Variants in CARD8 observed in about 807,000 individuals in gnomAD.
CARD8 encodes caspase recruitment domain-containing protein 8.
A neutral mutation model predicts 53.2 loss-of-function variants in CARD8; 38 were observed. That is an observed-to-expected ratio of 0.71 (90% CI 0.55 to 0.94). The LOEUF (loss-of-function observed/expected upper bound fraction) is 0.94, where lower values mean the gene tolerates loss of function less well. Ranked by LOEUF, CARD8 falls within the 40% of genes least tolerant of loss-of-function variation. CARD8 has a pLI of 0.00. For synonymous variants in CARD8, 245 were observed against 244.9 expected (o/e 1.00, Z 0.00); for missense variants, 561 against 655.5 (o/e 0.86, Z 1.57).
chr19:48,245,469 T>C (rs2045954270), intron 3 of CARD8, among the ~76,000 whole-genome samples: 1 of 152,084 alleles, frequency 6.6e-6, no homozygotes, highest in South Asian at 2.1e-4. Context: ...CACCTCAGCC[T>C]CCCAAAGTGC....
downstream of CARD8, among the ~76,000 whole-genome samples, chr19:48,207,828 C>A (rs559567428): frequency 6.7e-6 from 1 of 149,412 alleles, no homozygotes; most frequent in Non-Finnish European, 1.5e-5. Flanking sequence ...CCCTGCCTCC[C>A]AGGCTCAAGT....
intron 13 of CARD8, among the ~76,000 whole-genome samples, chr19:48,212,539 A>G (rs1340730170): frequency 1.3e-5 from 2 of 152,216 alleles, no homozygotes; most frequent in East Asian, 1.9e-4. Flanking sequence ...GTCTGTATAA[A>G]CTTGGCCAAA....
rs2037998089 is a variant in CARD8 at position 48,211,711 on chromosome 19, T to C, written c.1613A>G (p.Ter538=). ...LVSYLRQQNL[*] is the part of the protein sequence containing the mutation. ...TCCAGACTACCTAACTGACTCATTT[T>C]ACAAATTCTGCTGTCTAAGATAGGA... is the stretch of plus-strand genomic sequence containing the variant. Residue 538 remains the stop codon, a stop_retained_variant, in exon 14 of 14, where the codon TAA becomes TGA. Coordinates refer to ENST00000651546, the MANE Select transcript of CARD8 (RefSeq NM_001184900.3). 1.9e-6 allele frequency: 3 copies of C among 1,613,052 alleles called. No individual in the cohort carries two copies. In the African/African-American group the frequency reaches 4.0e-5, roughly 22 times the overall value.
At chr19:48,228,855 G>A (rs1012664436) in intron 10 of CARD8, among the ~76,000 whole-genome samples, 2 of 152,090 alleles carry the variant, frequency 1.3e-5, no homozygotes, top group African/African-American at 4.8e-5. Context: ...GAAGAGGGAG[G>A]CGGCCGGGCG....
At chr19:48,219,483 G>A (rs2040050297) in intron 11 of CARD8, among the ~76,000 whole-genome samples, 1 of 152,112 alleles carries the variant, frequency 6.6e-6, no homozygotes, top group Non-Finnish European at 1.5e-5. Flanking sequence ...CTGCCCTGGG[G>A]AGCAAGAAAG....
chr19:48,213,437 C>T lies in CARD8; in HGVS notation c.1349-1462G>A, dbSNP rs545623927. Among the ~76,000 whole-genome samples the T allele has an allele frequency of 3.9e-5, 6 of 152,240 alleles. No homozygotes were observed. In the South Asian group the frequency reaches 6.2e-4, roughly 16 times the overall value. On this transcript the variant is annotated intron_variant, in intron 13 of 13. Coordinates refer to ENST00000651546, the MANE Select transcript of CARD8 (RefSeq NM_001184900.3). ...GTCCCCAGGCTGGAGTGCGATGGCA[C>T]GATCTCGGCTTACTGCAATCTCCGC...
intron 10 of CARD8, among the ~76,000 whole-genome samples, chr19:48,225,984 C>A (rs1425480235): frequency 1.4e-5 from 2 of 140,080 alleles, no homozygotes; most frequent in African/African-American, 5.5e-5. Context: ...ACCTGGGAGA[C>A]GGAGGTTGCA....
chr19:48,232,326 G>A (rs2043059509), intron 7 of CARD8, 127 bp downstream of exon 7: 1 of 851,858 alleles, frequency 1.2e-6, no homozygotes, highest in African/African-American at 1.7e-5. Flanking sequence ...ACAGTGCACT[G>A]TGGCAAAGGT....
In CARD8 at chr19:48,215,341, T is replaced by C. The variant is rs1242687597; in HGVS notation, c.1347A>G (p.Ser449=). The part of the protein sequence containing the change: ...LVAASAPPPF[S]GAAFVKENHR... The stretch of plus-strand genomic sequence containing the variant: ...CTTTAATGTAAACATTTCACTTACC[T>C]GAGAAAGGAGGAGGGGCTGATGCAG... The change falls in exon 13 of 14, where the codon TCA becomes TCG. Residue 449 remains serine, a splice_region_variant and synonymous_variant. Coordinates refer to ENST00000651546, the MANE Select transcript of CARD8 (RefSeq NM_001184900.3). The C allele has an allele frequency of 1.9e-6, 3 of 1,607,972 alleles. No homozygotes were observed. The highest frequency in any genetic ancestry group is 2.6e-6 in the Non-Finnish European group (3 of 1,174,712).
chr19:48,230,976 C>T lies in CARD8; in HGVS notation c.573G>A (p.Leu191=). The T allele has an allele frequency of 1.2e-6, 2 of 1,614,168 alleles. No individual in the cohort carries two copies. Among genetic ancestry groups the T allele is most frequent in the Non-Finnish European group, 1.7e-6 (2 of 1,180,030 alleles). ...SVWFPTAGWY[L]WSATGLGFLV... is the part of the protein sequence containing the mutation. ...GGAAGCCGAGGCCTGTGGCTGACCA[C>T]AGATACCAGCCAGCAGTGGGGAACC... Residue 191 remains leucine, a synonymous_variant, in exon 9 of 14, where the codon CTG becomes CTA. Coordinates refer to ENST00000651546, the MANE Select transcript of CARD8 (RefSeq NM_001184900.3).
intron 8 of CARD8, among the ~76,000 whole-genome samples, 185 bp from the exon 9 acceptor site, chr19:48,231,191 A>G (rs769499789): frequency 6.6e-6 from 1 of 152,234 alleles, no homozygotes; most frequent in Non-Finnish European, 1.5e-5. Flanking sequence ...TGCATTCTAT[A>G]TATGTTGAAA....
downstream of CARD8, chr19:48,206,322 A>AT (rs1488474118): frequency 2.5e-5 from 10 of 398,724 alleles, no homozygotes; most frequent in Non-Finnish European, 4.6e-5. Flanking sequence ...AGCTAGCCAC[A>AT]TGTGGGTGCA....
chr19:48,218,455 G>T (rs2039812094), intron 12 of CARD8, among the ~76,000 whole-genome samples: 1 of 150,644 alleles, frequency 6.6e-6, no homozygotes, highest in African/African-American at 2.5e-5. Flanking sequence ...CCTGGGTTCA[G>T]GTGATTCTCC....
At chr19:48,216,138 CA>C (rs60958180) in intron 12 of CARD8, among the ~76,000 whole-genome samples, 61 of 146,888 alleles carry the variant, frequency 4.2e-4, no homozygotes, top group African/African-American at 1.3e-3. Context: ...AATTTGCTAT[CA>C]AAAAAAAAAA....
At chr19:48,204,166 A>C (rs1599946868), downstream of CARD8, 1 of 455,518 alleles carries the variant, frequency 2.2e-6, no homozygotes, top group South Asian at 1.5e-5. Context: ...GACGCGGGAA[A>C]CCTGCTTCGG....
Position 48,234,393 on chromosome 19 carries a change from C to T in CARD8, c.350+10G>A. On this transcript the variant is annotated intron_variant, in intron 6 of 13. Transcript: ENST00000651546. ...GTCCAATAGTTTTCCAACGGAATAG[C>T]TTTTCTTACCTGGGAATGTCCCCCC... 1.2e-6 allele frequency: 2 copies of T among 1,605,346 alleles called. No individual in the cohort carries two copies. The highest frequency in any genetic ancestry group is 1.3e-5 in the African/African-American group (1 of 74,518).
intron 10 of CARD8, among the ~76,000 whole-genome samples, chr19:48,227,828 A>T (rs1349905050): frequency 6.6e-6 from 1 of 151,938 alleles, no homozygotes; most frequent in Non-Finnish European, 1.5e-5. Flanking sequence ...GAAAGAAAAG[A>T]AAAGTCACAG....
rs151331210 is a variant in CARD8, at chr19:48,254,620, G to C, written c.-252+1172C>G. The stretch of plus-strand genomic sequence containing the variant: ...CAAAAACAATTAGCTGGGTGTGGTG[G>C]TGGGCACCTGTAGTCGCAGCTACTC... On this transcript the variant is annotated intron_variant, in intron 1 of 13. Transcript: ENST00000651546. Among the ~76,000 whole-genome samples, 841 of 152,190 alleles carry C rather than the reference G, an allele frequency of 5.5e-3. 7 individuals are homozygous for C. Among genetic ancestry groups the C allele is most frequent in the African/African-American group, 0.018 (755 of 41,504 alleles).
intron 13 of CARD8, among the ~76,000 whole-genome samples, chr19:48,212,512 G>A (rs1486670807): frequency 2.0e-5 from 3 of 152,292 alleles, no homozygotes; most frequent in East Asian, 1.9e-4. Flanking sequence ...CAGGGTTTAC[G>A]TTGTGCCCCA....
Sources: allele counts gnomAD v4.1 joint callset (sites outside exome capture counted in the v4.1 genomes callset), GRCh38; gene constraint gnomAD v4.1.1; transcripts MANE v1.5; gene names NCBI Gene and HGNC (gene_info 2026-07-23, HGNC 2026-07-21).